The following LHFPL2 variants were observed in gnomAD, a reference collection of about 807,000 sequenced individuals.
The protein encoded by LHFPL2 is LHFPL tetraspan subfamily member 2 protein.
LHFPL2 carries 7 observed loss-of-function variants against 17.5 expected under a neutral mutation model. The ratio of observed to expected loss-of-function variants is 0.40; its 90% confidence interval spans 0.23 to 0.75. The LOEUF is 0.75. Ranked by LOEUF, LHFPL2 falls within the 30% of genes least tolerant of loss-of-function variation. LHFPL2 has a pLI of 0.37. For synonymous variants in LHFPL2, 134 were observed against 116.2 expected, an observed-to-expected ratio of 1.15 and a Z score of -0.99; for missense variants, 241 against 294.8, an observed-to-expected ratio of 0.82 and a Z score of 1.34.
intron 2 of LHFPL2, among the ~76,000 whole-genome samples, chr5:78,579,195 C>A (rs1326983027): frequency 1.3e-5 from 2 of 152,024 alleles, no homozygotes; most frequent in Non-Finnish European, 2.9e-5. Flanking sequence ...AGTGATTTTG[C>A]TATTGTTAAA....
At chr5:78,635,454 G>A (rs939997356) in intron 1 of LHFPL2, among the ~76,000 whole-genome samples, 1 of 152,158 alleles carries the variant, frequency 6.6e-6, no homozygotes, top group Non-Finnish European at 1.5e-5. Context: ...TACAGAAAAT[G>A]GATCATTTTC....
intron 2 of LHFPL2, among the ~76,000 whole-genome samples, chr5:78,592,636 A>G (rs1378089623): frequency 1.4e-5 from 1 of 73,440 alleles, no homozygotes; most frequent in Non-Finnish European, 3.6e-5. Flanking sequence ...ACACACACAC[A>G]CACATTACTC....
intron 1 of LHFPL2, among the ~76,000 whole-genome samples, chr5:78,645,029 A>G (rs767047632): frequency 6.6e-6 from 1 of 152,192 alleles, no homozygotes; most frequent in Non-Finnish European, 1.5e-5. Flanking sequence ...TACTTTCTAA[A>G]GTACAGAAAC....
At chr5:78,532,216 G>C (rs754468029) in intron 3 of LHFPL2, among the ~76,000 whole-genome samples, 1 of 151,916 alleles carries the variant, frequency 6.6e-6, no homozygotes, top group Non-Finnish European at 1.5e-5. Flanking sequence ...GAGCCACTGC[G>C]CCCAGCCTAA....
intron 2 of LHFPL2, among the ~76,000 whole-genome samples, chr5:78,604,129 T>C (rs1744126327): frequency 6.6e-6 from 1 of 152,148 alleles, no homozygotes; most frequent in African/African-American, 2.4e-5. Context: ...TTTAAAGCAA[T>C]ACTATATACC....
intron 3 of LHFPL2, among the ~76,000 whole-genome samples, chr5:78,540,136 G>C (rs1026501953): frequency 6.6e-6 from 1 of 152,202 alleles, no homozygotes; most frequent in African/African-American, 2.4e-5. Context: ...AAAGTGCTAA[G>C]CAATGTAATC....
chr5:78,518,355 G>A (rs1223677068), intron 3 of LHFPL2, among the ~76,000 whole-genome samples: 3 of 152,180 alleles, frequency 2.0e-5, no homozygotes, highest in East Asian at 3.9e-4. Flanking sequence ...GATCACCTGC[G>A]GTCAGGGATC....
In LHFPL2 at chr5:78,489,057, G is replaced by C. The variant is rs147772798; in HGVS notation, c.527C>G (p.Pro176Arg). Residue 176 changes from proline to arginine, a missense_variant, in exon 5 of 5, where the codon CCT becomes CGT. Coordinates refer to ENST00000380345, the MANE Select transcript of LHFPL2 (RefSeq NM_005779.3). Reference sequence around the variant, plus strand: ...GGCCCAGCCCAAGGAGCAGTCTCCAGGTTTGTAGGCAGATGCATAATGTCC... The same window carrying C: ...GGCCCAGCCCAAGGAGCAGTCTCCACGTTTGTAGGCAGATGCATAATGTCC... ...YCGHYASAYKPGDCSLGWAFY... is the reference protein window; with the variant it reads ...YCGHYASAYKRGDCSLGWAFY... 1 of 1,614,234 alleles carries C rather than the reference G, an allele frequency of 6.2e-7. No individual in the cohort carries two copies. The highest frequency in any genetic ancestry group is 8.5e-7 in the Non-Finnish European group (1 of 1,180,038).
intron 3 of LHFPL2, among the ~76,000 whole-genome samples, chr5:78,518,782 T>G (rs893764210): frequency 6.6e-6 from 1 of 152,208 alleles, no homozygotes; most frequent in Non-Finnish European, 1.5e-5. Context: ...GTCTGAACTC[T>G]TGTACTTGTT....
chr5:78,530,365 C>T (rs972856981), intron 3 of LHFPL2, among the ~76,000 whole-genome samples: 2 of 152,164 alleles, frequency 1.3e-5, no homozygotes, highest in East Asian at 1.9e-4. Context: ...TTCTCTAATA[C>T]TTCTTGTAGA....
At chr5:78,522,955 G>A (rs1377052774) in intron 3 of LHFPL2, among the ~76,000 whole-genome samples, 3 of 152,214 alleles carry the variant, frequency 2.0e-5, no homozygotes, top group Middle Eastern at 3.4e-3. Context: ...AAAGGTTGAC[G>A]TTTTTCTGCA....
chr5:78,557,663 CCA>C (rs1237873648), intron 3 of LHFPL2, among the ~76,000 whole-genome samples: 1 of 152,180 alleles, frequency 6.6e-6, no homozygotes, highest in African/African-American at 2.4e-5. Context: ...CACCACTTGG[CCA>C]CAGTTATAGA....
intron 1 of LHFPL2, among the ~76,000 whole-genome samples, chr5:78,638,699 T>C (rs894906106): frequency 2.6e-5 from 4 of 152,232 alleles, no homozygotes; most frequent in Middle Eastern, 3.4e-3. Context: ...AAGGGGAGGC[T>C]AACAGAGCAG....
intron 2 of LHFPL2, among the ~76,000 whole-genome samples, chr5:78,620,827 A>T (rs1304038640): frequency 6.6e-6 from 1 of 152,152 alleles, no homozygotes; most frequent in African/African-American, 2.4e-5. Flanking sequence ...AACTATTCTC[A>T]ATGTGATTTC....
chr5:78,558,290 C>G (rs1756634805), intron 3 of LHFPL2, among the ~76,000 whole-genome samples: 1 of 152,236 alleles, frequency 6.6e-6, no homozygotes, highest in African/African-American at 2.4e-5. Context: ...TACACGATCC[C>G]AGTGTACGCT....
chr5:78,582,781 C>T (rs1026417848), intron 2 of LHFPL2, among the ~76,000 whole-genome samples: 113 of 152,188 alleles, frequency 7.4e-4, no homozygotes, highest in Non-Finnish European at 1.4e-3. Context: ...GGGTGTAGAG[C>T]TCTGTAGATG....
At chr5:78,553,170 T>A (rs1756491491) in intron 3 of LHFPL2, among the ~76,000 whole-genome samples, 1 of 152,214 alleles carries the variant, frequency 6.6e-6, no homozygotes, top group African/African-American at 2.4e-5. Context: ...ACCTCATATA[T>A]CTGTCACCCC....
At chr5:78,490,418 C>G (rs180760178) in intron 4 of LHFPL2, among the ~76,000 whole-genome samples, 4 of 152,268 alleles carry the variant, frequency 2.6e-5, no homozygotes, top group Non-Finnish European at 4.4e-5. Context: ...CTAGGCCCCC[C>G]CAGATTTTAC....
chr5:78,647,858 T>G (rs549898319), intron 1 of LHFPL2, among the ~76,000 whole-genome samples: 1 of 151,560 alleles, frequency 6.6e-6, no homozygotes, highest in Non-Finnish European at 1.5e-5. Flanking sequence ...CCTAAAAACA[T>G]CCAGAAACAC....
Sources: allele counts gnomAD v4.1 joint callset (sites outside exome capture counted in the v4.1 genomes callset), GRCh38; gene constraint gnomAD v4.1.1; transcripts MANE v1.5; gene names NCBI Gene and HGNC (gene_info 2026-07-23, HGNC 2026-07-21).